ACOXL: variants seen among roughly 807,000 people sequenced by gnomAD.
ACOXL encodes the protein acyl-coenzyme A oxidase-like protein.
A neutral mutation model predicts 71.9 loss-of-function variants in ACOXL; 70 were observed. That is an observed-to-expected ratio of 0.97 (90% CI 0.80 to 1.19). ACOXL has a LOEUF of 1.19. Ranked by LOEUF, ACOXL falls within the 50% of genes most tolerant of loss-of-function variation. The pLI, the probability that ACOXL is intolerant of heterozygous loss-of-function variation, is 0.00. For missense variants in ACOXL, 703 were observed against 736.3 expected, an observed-to-expected ratio of 0.95 and a Z score of 0.52; for synonymous variants, 253 against 281.6, an observed-to-expected ratio of 0.90 and a Z score of 1.02.
chr2:110,890,840 T>C (rs1697845699), intron 10 of ACOXL, among the ~76,000 whole-genome samples: 1 of 152,184 alleles, frequency 6.6e-6, no homozygotes, highest in South Asian at 2.1e-4. Context: ...TGTTGATATC[T>C]GAAAAATGAG....
At chr2:111,010,069 A>G (rs1574473937) in intron 14 of ACOXL, among the ~76,000 whole-genome samples, 1 of 152,344 alleles carries the variant, frequency 6.6e-6, no homozygotes, top group South Asian at 2.1e-4. Context: ...CTTAAATATT[A>G]TCAGGCATGG....
chr2:110,750,288 TATATC>T (rs970548113), intron 1 of ACOXL, among the ~76,000 whole-genome samples: 17 of 152,218 alleles, frequency 1.1e-4, no homozygotes, highest in Admixed American at 5.2e-4. Flanking sequence ...ATCATTTACT[TATATC>T]AGTATAGACT....
chr2:110,893,982 TTGTCTC>T (rs1290436465), intron 10 of ACOXL, among the ~76,000 whole-genome samples: 1 of 152,172 alleles, frequency 6.6e-6, no homozygotes, highest in Non-Finnish European at 1.5e-5. Flanking sequence ...TTCTCTCTCT[TTGTCTC>T]TGTTGTTTAT....
chr2:110,928,510 G>A (rs1180549231), intron 11 of ACOXL, among the ~76,000 whole-genome samples: 1 of 152,166 alleles, frequency 6.6e-6, no homozygotes, highest in African/African-American at 2.4e-5. Context: ...TGCCATTTGT[G>A]CACTAGATTT....
chr2:110,809,686 G>A lies in ACOXL; in HGVS notation c.753+4291G>A, dbSNP rs926922357. Among the ~76,000 whole-genome samples, 3 of 152,202 alleles carry A rather than the reference G, an allele frequency of 2.0e-5. No homozygotes were observed. In the South Asian group the frequency reaches 6.2e-4, roughly 32 times the overall value. ...TGCTGTTGATGGGGGTTTGAAATGG[G>A]TTATTGCATCCTTGAGTAACCCTTT... On this transcript the variant is annotated intron_variant, in intron 9 of 17. Transcript: ENST00000439055.
chr2:110,748,066 C>T (rs376929485), intron 1 of ACOXL, among the ~76,000 whole-genome samples: 1 of 152,162 alleles, frequency 6.6e-6, no homozygotes, highest in Admixed American at 6.5e-5. Flanking sequence ...CATCCATCCC[C>T]TGTGAGGCGG....
chr2:110,733,459 C>T (rs1210331672), intron 1 of ACOXL, among the ~76,000 whole-genome samples: 1 of 152,144 alleles, frequency 6.6e-6, no homozygotes, highest in Non-Finnish European at 1.5e-5. Flanking sequence ...GCATTCGTGT[C>T]TCCTGTGGGC....
intron 1 of ACOXL, among the ~76,000 whole-genome samples, chr2:110,741,920 G>C (rs1171945680): frequency 2.0e-5 from 3 of 152,220 alleles, no homozygotes; most frequent in African/African-American, 4.8e-5. Context: ...GGTGAGAGAG[G>C]AGAGAGGCGG....
At chr2:110,991,259 T>C (rs1464063060) in intron 13 of ACOXL, among the ~76,000 whole-genome samples, 1 of 152,204 alleles carries the variant, frequency 6.6e-6, no homozygotes, top group Non-Finnish European at 1.5e-5. Flanking sequence ...TTGTGTCTCA[T>C]TTGTCATTCC....
At position 110,807,230 on chromosome 2, in the gene ACOXL, A is replaced by C. The variant is rs559875531; in HGVS notation, c.753+1835A>C. Among the ~76,000 whole-genome samples the C allele has an allele frequency of 2.6e-5, 4 of 152,328 alleles. No individual in the cohort carries two copies. In the East Asian group the frequency reaches 7.7e-4, roughly 29 times the overall value. ...CATGACCAGCACTGGGGCCGTGAACAGGCCATAGCGCTCTCTAGGGCTCAG... is the reference window on the plus strand; with the variant it reads ...CATGACCAGCACTGGGGCCGTGAACCGGCCATAGCGCTCTCTAGGGCTCAG... On this transcript the variant is annotated intron_variant, in intron 9 of 17. Coordinates refer to ENST00000439055, the MANE Select transcript of ACOXL (RefSeq NM_001142807.4).
At chr2:110,744,880 T>C (rs58054304) in intron 1 of ACOXL, among the ~76,000 whole-genome samples, 8,210 of 152,158 alleles carry the variant, frequency 0.054, 359 homozygotes, top group African/African-American at 0.11. Context: ...CATTTTGTCA[T>C]TTTGAGGGAG....
intron 14 of ACOXL, among the ~76,000 whole-genome samples, chr2:111,013,454 C>T (rs1263545311): frequency 7.3e-6 from 1 of 136,392 alleles, no homozygotes; most frequent in African/African-American, 2.8e-5. Flanking sequence ...ACCTGGGAGG[C>T]AGAGATTGCA....
chr2:111,049,393 A>C, intron 16 of ACOXL, 105 bp downstream of exon 16: 1 of 880,370 alleles, frequency 1.1e-6, no homozygotes. Context: ...TCATGTCTGA[A>C]TCGTGTGCTC....
At chr2:110,962,561 C>G (rs2061742501) in intron 12 of ACOXL, among the ~76,000 whole-genome samples, 1 of 152,178 alleles carries the variant, frequency 6.6e-6, no homozygotes, top group African/African-American at 2.4e-5. Context: ...CCCACAGGAG[C>G]AGGACTGATG....
intron 7 of ACOXL, among the ~76,000 whole-genome samples, chr2:110,799,968 C>T (rs1223663175): frequency 6.6e-6 from 1 of 152,194 alleles, no homozygotes; most frequent in African/African-American, 2.4e-5. Flanking sequence ...CACCAATCAG[C>T]AGGAGTCTAA....
chr2:110,938,614 G>A (rs2060753027), intron 12 of ACOXL, among the ~76,000 whole-genome samples: 1 of 152,244 alleles, frequency 6.6e-6, no homozygotes, highest in African/African-American at 2.4e-5. Context: ...TCAGGAGATA[G>A]CTGTGGACTG....
chr2:110,888,057 A>G (rs920625887), intron 10 of ACOXL: 4 of 152,202 alleles, frequency 2.6e-5, no homozygotes, highest in African/African-American at 7.2e-5. Context: ...AGTTTTAATG[A>G]TTAGTCTCCA....
chr2:110,798,477 C>T lies in ACOXL; in HGVS notation c.346-133C>T, dbSNP rs563701454. ...TTCACCATGTTAGCCAGGATGGTCT[C>T]GATCTCCTGACCTCGTGATCCACCC... On this transcript the variant is annotated intron_variant, in intron 5 of 17. Coordinates refer to ENST00000439055, the MANE Select transcript of ACOXL (RefSeq NM_001142807.4). The T allele has an allele frequency of 3.6e-4, 232 of 639,144 alleles. 1 individual carries two copies. In the East Asian group the frequency reaches 6.2e-3, roughly 17 times the overall value. 39.6% of individuals were successfully genotyped at this position (639,144 alleles called of 1,614,324 possible).
At chr2:110,763,747 C>A (rs1373758291) in intron 1 of ACOXL, among the ~76,000 whole-genome samples, 1 of 152,100 alleles carries the variant, frequency 6.6e-6, no homozygotes, top group African/African-American at 2.4e-5. Flanking sequence ...GATGAAAAGG[C>A]AAGCCATGGA....
Sources: gnomAD v4.1 joint callset for allele counts (sites outside exome capture counted in the v4.1 genomes callset) on GRCh38, gnomAD v4.1.1 for gene constraint, MANE v1.5 for transcripts, NCBI Gene and HGNC (gene_info 2026-07-23, HGNC 2026-07-21) for gene names.